Variants in PLAC8L1 observed in about 807,000 individuals in gnomAD.
The protein encoded by PLAC8L1 is PLAC8-like protein 1.
PLAC8L1 carries 13 observed loss-of-function variants against 16.3 expected under a neutral mutation model. The ratio of observed to expected loss-of-function variants is 0.80; its 90% CI spans 0.52 to 1.27. PLAC8L1 has a LOEUF of 1.27. PLAC8L1 is among the 50% of genes most tolerant of loss of function. The pLI, the probability that PLAC8L1 is intolerant of heterozygous loss-of-function variation, is 0.00. For missense variants in PLAC8L1, 184 were observed against 220.2 expected (o/e 0.84, Z 1.04); for synonymous variants, 78 against 79.3 (o/e 0.98, Z 0.09).
intron 3 of PLAC8L1, 115 bp downstream of exon 3, chr5:146,085,346 A>G (rs1763490741): frequency 1.7e-6 from 2 of 1,163,236 alleles, no homozygotes; most frequent in Non-Finnish European, 2.4e-6. Context: ...CCCACTAAGC[A>G]TGGTATGTTT....
At position 146,099,828 on chromosome 5, in the gene PLAC8L1, A is replaced by C. The variant is rs1763784261; in HGVS notation, c.120-1536T>G. ...AGCCCATTACCTCTGATTTCTGGCA[A>C]TAAAGCCAATGGAATTTCATGGTAT... On this transcript the variant is annotated intron_variant, in intron 1 of 3. Coordinates refer to ENST00000311450, the MANE Select transcript of PLAC8L1 (RefSeq NM_001029869.3). Among the ~76,000 whole-genome samples the C allele has an allele frequency of 3.3e-5, 5 of 152,280 alleles. No homozygotes were observed. In the South Asian group the frequency reaches 1.0e-3, roughly 32 times the overall value.
At chr5:146,098,419 C>T (rs936167790) in intron 1 of PLAC8L1, 127 bp from the exon 2 acceptor site, 2 of 866,644 alleles carry the variant, frequency 2.3e-6, no homozygotes, top group Admixed American at 6.6e-5. Context: ...TAGCCCAAAT[C>T]GACTTTGCCA....
At position 146,084,538 on chromosome 5, in the gene PLAC8L1, C is replaced by T; in HGVS notation, c.428G>A (p.Cys143Tyr). 1 of 1,614,028 alleles carries T rather than the reference C, an allele frequency of 6.2e-7. No homozygotes were observed. Residue 143 changes from cysteine to tyrosine, a missense_variant, in exon 4 of 4, where the codon TGC (cysteine) becomes TAC (tyrosine). Physicochemically the swap from Cys to Tyr is radical, Grantham distance 194 (BLOSUM62 -2). Coordinates refer to ENST00000311450, the MANE Select transcript of PLAC8L1 (RefSeq NM_001029869.3). ...CTGGCAGATGGAAAAAGCCCAACAG[C>T]AGTGCACCGCCAGCCAGTCTTCACA... ...TLCEDWLAVH[C>Y]CWAFSICQVA...
At chr5:146,102,019 TG>T (rs1352416999) in intron 1 of PLAC8L1, among the ~76,000 whole-genome samples, 26 of 151,552 alleles carry the variant, frequency 1.7e-4, no homozygotes, top group Middle Eastern at 6.8e-3. Flanking sequence ...AAAAAGAAAA[TG>T]TTTTTTTTCT....
chr5:146,092,573 ACT>A (rs1210517415), intron 2 of PLAC8L1, among the ~76,000 whole-genome samples: 1 of 122,212 alleles, frequency 8.2e-6, no homozygotes, highest in Admixed American at 1.1e-4. Flanking sequence ...ACAGAGTCTC[ACT>A]CTGTCACCCA....
At chr5:146,096,425 T>A (rs1034578246) in intron 2 of PLAC8L1, among the ~76,000 whole-genome samples, 2 of 152,224 alleles carry the variant, frequency 1.3e-5, no homozygotes, top group Non-Finnish European at 2.9e-5. Context: ...CTGATCCAGT[T>A]ATGCCCAAAC....
Position 146,104,469 on chromosome 5 carries a change from CT to C in PLAC8L1, c.-159del. Reference sequence around the variant, plus strand: ...TCATAGCAGTGTAACTAACAGACATCTTTTTTCTTTAAAAACAGGTATACAC... The same window carrying C: ...TCATAGCAGTGTAACTAACAGACATCTTTTTCTTTAAAAACAGGTATACAC... On this transcript the variant is annotated 5_prime_UTR_variant, in exon 1 of 4. An upstream open reading frame in the 5' UTR gains an earlier in-frame stop. Coordinates refer to ENST00000311450, the MANE Select transcript of PLAC8L1 (RefSeq NM_001029869.3). The C allele has an allele frequency of 4.8e-6, 3 of 622,946 alleles. No individual in the cohort carries two copies. Among genetic ancestry groups the C allele is most frequent in the Non-Finnish European group, 8.6e-6 (3 of 348,090 alleles). 38.6% of individuals were successfully genotyped at this position (622,946 alleles called of 1,614,324 possible).
chr5:146,084,684 C>G, intron 3 of PLAC8L1, 112 bp from the exon 4 acceptor site: 1 of 1,391,016 alleles, frequency 7.2e-7, no homozygotes, highest in Non-Finnish European at 9.7e-7. Context: ...CCAAGGTTCA[C>G]CAACATCCTT....
intron 1 of PLAC8L1, among the ~76,000 whole-genome samples, chr5:146,101,367 G>C (rs1561786246): frequency 6.6e-6 from 1 of 152,128 alleles, no homozygotes; most frequent in African/African-American, 2.4e-5. Flanking sequence ...CTCCAGAACT[G>C]TGAGAAAATT....
At chr5:146,092,645 G>A (rs903848107) in intron 2 of PLAC8L1, among the ~76,000 whole-genome samples, 4 of 148,664 alleles carry the variant, frequency 2.7e-5, no homozygotes, top group Admixed American at 6.9e-5. Flanking sequence ...GGGTTCAAGC[G>A]ATTTTCCTGC....
intron 2 of PLAC8L1, among the ~76,000 whole-genome samples, chr5:146,091,798 C>A (rs57126450): frequency 6.6e-6 from 1 of 152,148 alleles, no homozygotes; most frequent in East Asian, 1.9e-4. Context: ...AAGACCCTGC[C>A]TCTATAAATA....
intron 2 of PLAC8L1, among the ~76,000 whole-genome samples, chr5:146,095,573 A>T (rs1261929108): frequency 2.0e-5 from 3 of 152,090 alleles, no homozygotes; most frequent in Non-Finnish European, 4.4e-5. Context: ...CTGAAGGATA[A>T]TTTTTTTTAA....
intron 2 of PLAC8L1, among the ~76,000 whole-genome samples, chr5:146,095,858 A>G (rs1280791459): frequency 6.6e-6 from 1 of 152,244 alleles, no homozygotes; most frequent in Non-Finnish European, 1.5e-5. Flanking sequence ...TTGGACTGTC[A>G]GCTAGCACCT....
In PLAC8L1 at chr5:146,098,155, C is replaced by A. The variant is rs1348770412; in HGVS notation, c.256+1G>T. On this transcript the variant is annotated splice_donor_variant, in intron 2 of 3. Coordinates refer to ENST00000311450, the MANE Select transcript of PLAC8L1 (RefSeq NM_001029869.3). LOFTEE classifies it high-confidence loss of function. ...AACTTAAATAAGGAGGAAAAACTTA[C>A]AAATTCTCCTATCTCTGCAGACACT... 2 of 1,607,940 alleles carry A rather than the reference C, an allele frequency of 1.2e-6. No homozygotes were observed. The highest frequency in any genetic ancestry group is 1.7e-6 in the Non-Finnish European group (2 of 1,176,022).
rs2150040116 is a variant in PLAC8L1 at position 146,105,422 on chromosome 5, G to C, written c.-1111C>G. On this transcript the variant is annotated 5_prime_UTR_variant, in exon 1 of 4. Transcript: ENST00000311450. ...CAGTAAGGATGTACCCTACATTAAG[G>C]ACAGGTATGTTTTTTCTGCTTACTA... 6.6e-6 allele frequency among the ~76,000 whole-genome samples: 1 copy of C among 152,012 alleles called. No individual in the cohort carries two copies.
rs58130114 is a variant in PLAC8L1, at chr5:146,086,024, C to CTTTT, written c.257-431_257-428dup. Reference sequence around the variant, plus strand: ...ATTTCTATAAGTGTAATTGAAAGGTCTTTTTTTTTTTTTTTTTTTTTTTGA... The same window carrying CTTTT: ...ATTTCTATAAGTGTAATTGAAAGGTCTTTTTTTTTTTTTTTTTTTTTTTTTTTGA... On this transcript the variant is annotated intron_variant, in intron 2 of 3. Coordinates refer to ENST00000311450, the MANE Select transcript of PLAC8L1 (RefSeq NM_001029869.3). 1.3e-3 allele frequency among the ~76,000 whole-genome samples: 116 copies of CTTTT among 90,390 alleles called. 3 individuals carry two copies. Among genetic ancestry groups the CTTTT allele is most frequent in the Admixed American group, 1.8e-3 (12 of 6,682 alleles). The allele number at this position is 90,390 out of a possible 152,430, so 59.3% of individuals were successfully genotyped here.
Position 146,104,447 on chromosome 5 carries a change from TAGC to T in PLAC8L1, c.-139_-137del. ...CTTAATATTCTGGAACCTGAGGTCA[TAGC>T]AGTGTAACTAACAGACATCTTTTTT... On this transcript the variant is annotated 5_prime_UTR_variant, in exon 1 of 4. Coordinates refer to ENST00000311450, the MANE Select transcript of PLAC8L1 (RefSeq NM_001029869.3). The T allele has an allele frequency of 1.4e-6, 1 of 738,420 alleles. No individual in the cohort carries two copies. Among genetic ancestry groups the T allele is most frequent in the Non-Finnish European group, 2.4e-6 (1 of 420,930 alleles). The allele number at this position is 738,420 out of a possible 1,614,324, so 45.7% of individuals were successfully genotyped here.
chr5:146,100,603 A>C (rs1324745630), intron 1 of PLAC8L1, among the ~76,000 whole-genome samples: 2 of 152,220 alleles, frequency 1.3e-5, no homozygotes, highest in African/African-American at 2.4e-5. Context: ...GGTTGCTAAG[A>C]AGCAGCAACT....
Position 146,096,352 on chromosome 5 carries a change from G to A in PLAC8L1, c.256+1804C>T, listed in dbSNP as rs144816745. Among the ~76,000 whole-genome samples the A allele has an allele frequency of 3.2e-3, 492 of 152,272 alleles. 1 individual carries two copies. The highest frequency in any genetic ancestry group is 0.011 in the African/African-American group (459 of 41,544). ...ATGAAGTCACATTCAGAGGTTCCAGGTGAACATGGATTTTAAAGTGACACT... is the reference window on the plus strand; with the variant it reads ...ATGAAGTCACATTCAGAGGTTCCAGATGAACATGGATTTTAAAGTGACACT... On this transcript the variant is annotated intron_variant, in intron 2 of 3. Transcript: ENST00000311450.
Sources: gnomAD v4.1 joint callset for allele counts (sites outside exome capture counted in the v4.1 genomes callset) on GRCh38, gnomAD v4.1.1 for gene constraint, MANE v1.5 for transcripts, NCBI Gene and HGNC (gene_info 2026-07-23, HGNC 2026-07-21) for gene names.